FAT4: variants seen among roughly 807,000 people sequenced by gnomAD.
FAT4 encodes the protein FAT atypical cadherin 4.
In FAT4, 84 loss-of-function variants were observed where a neutral mutation model predicts 303.9. The ratio of observed to expected loss-of-function variants is 0.28; its 90% confidence interval spans 0.23 to 0.33. FAT4 has a LOEUF of 0.33. Ranked by LOEUF, FAT4 falls within the 10% of genes least tolerant of loss-of-function variation. The pLI, the probability that FAT4 is intolerant of heterozygous loss-of-function variation, is 1.00. For synonymous variants in FAT4, 2,307 were observed against 2,298.8 expected (o/e 1.00, Z -0.10); for missense variants, 6,005 against 6,146.8 (o/e 0.98, Z 0.77).
chr4:125,405,679 T>C (rs1734571805), intron 3 of FAT4, among the ~76,000 whole-genome samples: 3 of 151,974 alleles, frequency 2.0e-5, no homozygotes, highest in Non-Finnish European at 4.4e-5. Flanking sequence ...TTTGAATTTT[T>C]TTTTAGTAGA....
chr4:125,463,187 A>C (rs1301980728), intron 10 of FAT4, among the ~76,000 whole-genome samples: 1 of 152,056 alleles, frequency 6.6e-6, no homozygotes, highest in Non-Finnish European at 1.5e-5. Flanking sequence ...AAATCTCTGC[A>C]GTGAAAAGAA....
intron 7 of FAT4, among the ~76,000 whole-genome samples, chr4:125,420,119 G>A (rs1735232837): frequency 6.6e-6 from 1 of 152,162 alleles, no homozygotes; most frequent in South Asian, 2.1e-4. Flanking sequence ...GACCAGTAAT[G>A]TTATGTTTGC....
rs148951600 is a variant in FAT4 at position 125,468,089 on chromosome 4, A to G, written c.11906-423A>G. 8.7e-3 allele frequency among the ~76,000 whole-genome samples: 1,322 copies of G among 152,218 alleles called. 8 individuals are homozygous for G. Among genetic ancestry groups the G allele is most frequent in the Non-Finnish European group, 0.012 (828 of 68,008 alleles). Reference sequence around the variant, plus strand: ...TGAGACAAGAGAATCGCTTGAACCCAGTAGGCAGAGGTTGCAGTGAGCAGG... The same window carrying G: ...TGAGACAAGAGAATCGCTTGAACCCGGTAGGCAGAGGTTGCAGTGAGCAGG... On this transcript the variant is annotated intron_variant, in intron 11 of 17. Transcript: ENST00000394329.
At chr4:125,384,159 C>G (rs186864362) in intron 2 of FAT4, among the ~76,000 whole-genome samples, 192 of 152,146 alleles carry the variant, frequency 1.3e-3, no homozygotes, top group African/African-American at 4.2e-3. Flanking sequence ...TTTGTGCAAA[C>G]ATGTTTCATT....
chr4:125,319,676 A>T lies in FAT4; in HGVS notation c.3265A>T (p.Ile1089Phe). 6.2e-7 allele frequency: 1 copy of T among 1,614,058 alleles called. No individual in the cohort carries two copies. The highest frequency in any genetic ancestry group is 8.5e-7 in the Non-Finnish European group (1 of 1,179,910). Residue 1089 changes from isoleucine to phenylalanine, a missense_variant, in exon 2 of 18, where the codon ATT becomes TTT. By Grantham distance (21) the Ile-to-Phe change is conservative. Coordinates refer to ENST00000394329, the MANE Select transcript of FAT4 (RefSeq NM_001291303.3). ...TAGTGCTACTGTGAATGTTACTGTAATTTTAGAAGATGTAAATGATAACAG... is the reference window on the plus strand; with the variant it reads ...TAGTGCTACTGTGAATGTTACTGTATTTTTAGAAGATGTAAATGATAACAG... ...PLSATVNVTV[I>F]LEDVNDNRPL...
At chr4:125,413,124 AC>A (rs1452919496) in intron 5 of FAT4, among the ~76,000 whole-genome samples, 1 of 151,800 alleles carries the variant, frequency 6.6e-6, no homozygotes, top group Non-Finnish European at 1.5e-5. Context: ...TAATGTATAT[AC>A]GTATATTTAC....
intron 12 of FAT4, among the ~76,000 whole-genome samples, chr4:125,470,405 T>TC (rs1470775334): frequency 6.6e-6 from 1 of 152,180 alleles, no homozygotes; most frequent in African/African-American, 2.4e-5. Flanking sequence ...TCACTTCTTT[T>TC]CTCTAGCTAT....
In FAT4 at chr4:125,398,865, A is replaced by C; in HGVS notation, c.5257A>C (p.Ile1753Leu). Reference sequence around the variant, plus strand: ...GCTGGATCTCACGGTAGAGGAGAACATTGGAGATGGCTCTAAGATTATGCA... The same window carrying C: ...GCTGGATCTCACGGTAGAGGAGAACCTTGGAGATGGCTCTAAGATTATGCA... ...DMLDLTVEENIGDGSKIMQLT... is the reference protein window; with the variant it reads ...DMLDLTVEENLGDGSKIMQLT... The change falls in exon 3 of 18, where the codon ATT becomes CTT. Residue 1753 changes from isoleucine (I) to leucine (L), a missense_variant. Coordinates refer to ENST00000394329, the MANE Select transcript of FAT4 (RefSeq NM_001291303.3). 1 of 1,613,308 alleles carries C rather than the reference A, an allele frequency of 6.2e-7. No homozygotes were observed. The highest frequency in any genetic ancestry group is 1.3e-5 in the African/African-American group (1 of 74,980).
In FAT4 at chr4:125,446,421, G is replaced by A. The variant is rs1422832712; in HGVS notation, c.7328G>A (p.Gly2443Glu). Residue 2443 changes from glycine (G) to glutamate (E), a missense_variant, in exon 9 of 18, where the codon GGA becomes GAA. Physicochemically the swap from Gly to Glu is moderately conservative, Grantham distance 98. Transcript: ENST00000394329. Reference sequence around the variant, plus strand: ...TTGGTAGTGGTCTGCAGTGATGCGGGATCCCCAGAGCCTCTTTCCAGTTCC... The same window carrying A: ...TTGGTAGTGGTCTGCAGTGATGCGGAATCCCCAGAGCCTCTTTCCAGTTCC... ...YTLVVVCSDA[G>E]SPEPLSSSTS... The A allele has an allele frequency of 1.2e-6, 2 of 1,613,448 alleles. No homozygotes were observed. Among genetic ancestry groups the A allele is most frequent in the Admixed American group, 1.7e-5 (1 of 59,956 alleles).
intron 2 of FAT4, among the ~76,000 whole-genome samples, chr4:125,326,789 G>T (rs187466527): frequency 5.3e-5 from 8 of 152,242 alleles, no homozygotes; most frequent in African/African-American, 1.7e-4. Flanking sequence ...TAAATGGGAG[G>T]CCAAGGCAGA....
chr4:125,349,055 T>C (rs1485426848), intron 2 of FAT4, among the ~76,000 whole-genome samples: 2 of 151,798 alleles, frequency 1.3e-5, no homozygotes, highest in Non-Finnish European at 2.9e-5. Context: ...GGAAAGATTC[T>C]GAAAAAGGAT....
intron 14 of FAT4, 166 bp downstream of exon 14, chr4:125,477,500 TATG>T (rs1392594597): frequency 1.8e-4 from 89 of 495,806 alleles, no homozygotes; most frequent in Non-Finnish European, 2.6e-4. Context: ...TGGCATAAAG[TATG>T]ATATTTAATT....
At chr4:125,433,099 A>G (rs1367403869) in intron 7 of FAT4, among the ~76,000 whole-genome samples, 2 of 152,310 alleles carry the variant, frequency 1.3e-5, no homozygotes, top group East Asian at 3.9e-4. Context: ...GAATGATTGA[A>G]TAGTGGTAAA....
intron 11 of FAT4, among the ~76,000 whole-genome samples, chr4:125,464,843 A>T (rs1386890920): frequency 6.6e-6 from 1 of 152,150 alleles, no homozygotes; most frequent in Admixed American, 6.6e-5. Context: ...TTCTTAAGCA[A>T]GAAAGAGCAA....
In FAT4 at chr4:125,414,985, C is replaced by T. The variant is rs1734986491; in HGVS notation, c.6022C>T (p.Arg2008Trp). ...GVLKVLKALDRESQSFYNLVV... is the reference protein window; with the variant it reads ...GVLKVLKALDWESQSFYNLVV... ...ACTCAAAGTCCTAAAAGCTTTGGAT[C>T]GGGAAAGTCAGTCCTTCTACAACTT... The change falls in exon 6 of 18, where the codon CGG (arginine) becomes TGG (tryptophan). Residue 2008 changes from arginine (R) to tryptophan (W), a missense_variant. Physicochemically the swap from Arg to Trp is moderately radical, Grantham distance 101. Coordinates refer to ENST00000394329, the MANE Select transcript of FAT4 (RefSeq NM_001291303.3). 8 of 1,613,776 alleles carry T rather than the reference C, an allele frequency of 5.0e-6. No homozygotes were observed. The highest frequency in any genetic ancestry group is 5.9e-6 in the Non-Finnish European group (7 of 1,179,886).
chr4:125,385,020 A>ATTT (rs1281113902), intron 2 of FAT4, among the ~76,000 whole-genome samples: 4 of 94,904 alleles, frequency 4.2e-5, no homozygotes, highest in African/African-American at 1.8e-4. Context: ...ATATATATAT[A>ATTT]TATATTTTTT....
chr4:125,418,437 G>T (rs905440841), intron 7 of FAT4, among the ~76,000 whole-genome samples: 2 of 152,070 alleles, frequency 1.3e-5, no homozygotes, highest in East Asian at 1.9e-4. Flanking sequence ...TGACTGCATG[G>T]TTACAGAGTA....
rs1314749095 is a variant in FAT4, at chr4:125,320,722, A to G, written c.4311A>G (p.Thr1437=). 6.2e-7 allele frequency: 1 copy of G among 1,614,164 alleles called. No homozygotes were observed. Among genetic ancestry groups the G allele is most frequent in the Admixed American group, 1.7e-5 (1 of 60,020 alleles). Residue 1437 remains threonine (T), a synonymous_variant, in exon 2 of 18, where the codon ACA becomes ACG. Transcript: ENST00000394329. ...KSIVENIPIG[T]SVISVTAHDP... is the part of the protein sequence containing the mutation. ...TTGTTGAGAACATTCCCATCGGTAC[A>G]TCTGTCATTTCAGTGACTGCACATG...
At chr4:125,328,731 A>T (rs1731258580) in intron 2 of FAT4, among the ~76,000 whole-genome samples, 1 of 152,204 alleles carries the variant, frequency 6.6e-6, no homozygotes, top group Admixed American at 6.5e-5. Context: ...CTGGAGGTAG[A>T]TACAACATAT....
Sources: allele counts gnomAD v4.1 joint callset (sites outside exome capture counted in the v4.1 genomes callset), GRCh38; gene constraint gnomAD v4.1.1; transcripts MANE v1.5; gene names NCBI Gene and HGNC (gene_info 2026-07-23, HGNC 2026-07-21).